The following KCTD16 variants were observed in gnomAD, a reference collection of about 807,000 sequenced individuals.
KCTD16 encodes potassium channel tetramerization domain containing 16.
Under a neutral mutation model 33.2 loss-of-function variants are expected in KCTD16, and 13 were observed. The observed-to-expected ratio is 0.39, with a 90% CI of 0.25 to 0.62. KCTD16 has a LOEUF of 0.62. KCTD16 is among the 20% of genes least tolerant of loss of function. The pLI is 0.50. For missense variants in KCTD16, 441 were observed against 525.1 expected (o/e 0.84, Z 1.57); for synonymous variants, 197 against 195.3 (o/e 1.01, Z -0.07).
intron 3 of KCTD16, among the ~76,000 whole-genome samples, chr5:144,444,131 T>C (rs1030037671): frequency 7.9e-5 from 12 of 152,072 alleles, no homozygotes; most frequent in African/African-American, 2.4e-4. Flanking sequence ...TCACTGCTAC[T>C]GGGATTGCCA....
rs1013227169 is a variant in KCTD16, at chr5:144,315,125, T to C, written c.832+107579T>C. Among the ~76,000 whole-genome samples, 4 of 152,202 alleles carry C rather than the reference T, an allele frequency of 2.6e-5. No individual in the cohort carries two copies. The East Asian group carries it at 7.7e-4, about 29-fold the overall frequency. ...TTTTAAAGACACAGCATATCCACAC[T>C]ATGAGATGCTTTGATGGCAAGATCC... On this transcript the variant is annotated intron_variant, in intron 3 of 3. Transcript: ENST00000512467.
rs1554080499 is a variant in KCTD16 at position 144,206,739 on chromosome 5, C to T, written c.25C>T (p.Arg9Cys). 9 of 1,613,584 alleles carry T rather than the reference C, an allele frequency of 5.6e-6. No homozygotes were observed. Among genetic ancestry groups the T allele is most frequent in the Non-Finnish European group, 7.6e-6 (9 of 1,179,706 alleles). Residue 9 changes from arginine (R) to cysteine (C), a missense_variant, in exon 3 of 4, where the codon CGT (arginine) becomes TGT (cysteine). Transcript: ENST00000512467. ...AATGGCTCTGAGTGGAAACTGTAGT[C>T]GTTATTATCCTCGAGAACAAGGGTC... is the stretch of plus-strand genomic sequence containing the variant. MALSGNCS[R>C]YYPREQGSAV...
chr5:144,205,250 TC>T, intron 2 of KCTD16: 2 of 302,428 alleles, frequency 6.6e-6, no homozygotes, highest in Admixed American at 1.0e-4. Flanking sequence ...GAGCGCGGCG[TC>T]CCCGTGCAGT....
At chr5:144,195,930 A>G (rs1752931388) in intron 2 of KCTD16, among the ~76,000 whole-genome samples, 1 of 152,198 alleles carries the variant, frequency 6.6e-6, no homozygotes, top group Non-Finnish European at 1.5e-5. Flanking sequence ...AACAGCAGTC[A>G]TCACTTTCTC....
chr5:144,412,591 G>A (rs1048133095), intron 3 of KCTD16, among the ~76,000 whole-genome samples: 2 of 152,044 alleles, frequency 1.3e-5, no homozygotes, highest in East Asian at 1.9e-4. Flanking sequence ...GAAGAAGATC[G>A]ATCTAATGTT....
At chr5:144,176,450 C>T (rs547998771) in intron 2 of KCTD16, among the ~76,000 whole-genome samples, 1 of 135,410 alleles carries the variant, frequency 7.4e-6, no homozygotes, top group Non-Finnish European at 1.5e-5. Flanking sequence ...GGCCGGACTG[C>T]GGACTGCAGT....
At chr5:144,184,220 G>T (rs1439987889) in intron 2 of KCTD16, among the ~76,000 whole-genome samples, 1 of 152,044 alleles carries the variant, frequency 6.6e-6, no homozygotes, top group Non-Finnish European at 1.5e-5. Context: ...TTTTAAACTT[G>T]CAAAGTGAAA....
At chr5:144,464,488 G>A (rs1754272014) in intron 3 of KCTD16, among the ~76,000 whole-genome samples, 1 of 152,228 alleles carries the variant, frequency 6.6e-6, no homozygotes, top group African/African-American at 2.4e-5. Flanking sequence ...AGAGGCCACA[G>A]ATGTTGCCAT....
At chr5:144,371,110 A>C (rs1751956848) in intron 3 of KCTD16, among the ~76,000 whole-genome samples, 1 of 152,044 alleles carries the variant, frequency 6.6e-6, no homozygotes, top group Non-Finnish European at 1.5e-5. Flanking sequence ...ATGAACTTCT[A>C]AGTTCTCCCT....
chr5:144,327,539 T>G (rs1353602104), intron 3 of KCTD16, among the ~76,000 whole-genome samples: 9 of 152,172 alleles, frequency 5.9e-5, no homozygotes. Flanking sequence ...TTATTTGATG[T>G]TTTTATATGT....
chr5:144,460,174 A>G (rs973976230), intron 3 of KCTD16, among the ~76,000 whole-genome samples: 3 of 152,058 alleles, frequency 2.0e-5, no homozygotes, highest in Admixed American at 6.6e-5. Flanking sequence ...CATTCAAGCC[A>G]TGCAAGTCCT....
chr5:144,352,766 G>A (rs920462301), intron 3 of KCTD16, among the ~76,000 whole-genome samples: 14 of 152,204 alleles, frequency 9.2e-5, no homozygotes, highest in African/African-American at 3.4e-4. Flanking sequence ...TTTAACATGT[G>A]AAGTCAGAAC....
chr5:144,331,632 GCT>G (rs1483738952), intron 3 of KCTD16, among the ~76,000 whole-genome samples: 1 of 152,118 alleles, frequency 6.6e-6, no homozygotes, highest in East Asian at 1.9e-4. Context: ...AAGACTCTGA[GCT>G]CTCTTAATTG....
intron 3 of KCTD16, among the ~76,000 whole-genome samples, chr5:144,467,133 C>T (rs976092248): frequency 5.6e-5 from 8 of 143,028 alleles, no homozygotes; most frequent in African/African-American, 7.8e-5. Flanking sequence ...ATTACATATA[C>T]GTAAAACACT....
chr5:144,415,350 C>T (rs1455658176), intron 3 of KCTD16, among the ~76,000 whole-genome samples: 1 of 152,110 alleles, frequency 6.6e-6, no homozygotes, highest in Non-Finnish European at 1.5e-5. Flanking sequence ...ACATTTGAAC[C>T]ATAGCAACAA....
intron 3 of KCTD16, among the ~76,000 whole-genome samples, chr5:144,308,665 TTGTC>T: frequency 6.6e-6 from 1 of 152,258 alleles, no homozygotes; most frequent in East Asian, 1.9e-4. Context: ...ATATATCTGT[TTGTC>T]TGTCTGCATT....
intron 3 of KCTD16, among the ~76,000 whole-genome samples, chr5:144,388,065 GTTTTTTTTT>G (rs397999492): frequency 6.8e-5 from 5 of 73,636 alleles, no homozygotes; most frequent in Non-Finnish European, 1.2e-4. Flanking sequence ...TTTAGAGCAA[GTTTTTTTTT>G]TTTTTTTTTT....
intron 3 of KCTD16, among the ~76,000 whole-genome samples, chr5:144,241,712 CATAA>C (rs905659153): frequency 1.3e-5 from 2 of 152,106 alleles, no homozygotes. Context: ...GCCTATGAAG[CATAA>C]ATATTTGAAC....
chr5:144,438,364 C>T (rs1021033529), intron 3 of KCTD16, among the ~76,000 whole-genome samples: 1 of 152,220 alleles, frequency 6.6e-6, no homozygotes, highest in Non-Finnish European at 1.5e-5. Context: ...AGACTGTCTT[C>T]AGGCCTGCCT....
Sources: allele counts gnomAD v4.1 joint callset (sites outside exome capture counted in the v4.1 genomes callset), GRCh38; gene constraint gnomAD v4.1.1; transcripts MANE v1.5; gene names NCBI Gene and HGNC (gene_info 2026-07-23, HGNC 2026-07-21).